The following WDR7 variants were observed in gnomAD, a reference collection of about 807,000 sequenced individuals.
WDR7 encodes WD repeat domain 7, also known as WD repeat-containing protein 7.
In WDR7, 46 loss-of-function variants were observed where a neutral mutation model predicts 169.4. That is an observed-to-expected ratio of 0.27 (90% CI 0.21 to 0.35). WDR7 has a LOEUF of 0.35. Among genes scored for constraint, WDR7 ranks in the 10% least tolerant of loss-of-function variants. WDR7 has a pLI of 1.00. For synonymous variants in WDR7, 612 were observed against 666.8 expected, an observed-to-expected ratio of 0.92 and a Z score of 1.27; for missense variants, 1,534 against 1,859.3, an observed-to-expected ratio of 0.83 and a Z score of 3.22.
intron 13 of WDR7, among the ~76,000 whole-genome samples, chr18:56,725,829 G>A (rs1405664108): frequency 6.6e-6 from 1 of 152,072 alleles, no homozygotes; most frequent in Non-Finnish European, 1.5e-5. Context: ...ATTAATTTTT[G>A]TATAAGGTAT....
chr18:56,738,784 G>C (rs2144841309), intron 14 of WDR7, among the ~76,000 whole-genome samples: 1 of 127,502 alleles, frequency 7.8e-6, no homozygotes, highest in East Asian at 2.6e-4. Context: ...AGATCATTTA[G>C]ATAGCATAAA....
At chr18:56,907,676 C>A (rs2046498046) in intron 21 of WDR7, among the ~76,000 whole-genome samples, 1 of 152,126 alleles carries the variant, frequency 6.6e-6, no homozygotes, top group African/African-American at 2.4e-5. Context: ...CTCGGCAGTT[C>A]TGAAGGCTAG....
intron 13 of WDR7, among the ~76,000 whole-genome samples, chr18:56,729,539 T>TA (rs1220869046): frequency 2.6e-5 from 4 of 152,234 alleles, no homozygotes; most frequent in African/African-American, 9.6e-5. Context: ...GCTTTTATTC[T>TA]ATGTTAATAT....
At chr18:56,690,770 G>T (rs1417508470) in intron 7 of WDR7, among the ~76,000 whole-genome samples, 1 of 151,830 alleles carries the variant, frequency 6.6e-6, no homozygotes, top group Non-Finnish European at 1.5e-5. Context: ...AGCTCTGATT[G>T]TGCCACTGCA....
At chr18:57,033,020 G>A (rs992793320), downstream of WDR7, 3 of 151,830 alleles carry the variant, frequency 2.0e-5, no homozygotes, top group African/African-American at 4.8e-5. Context: ...TAGTGAAAAT[G>A]TGTGAATAAA....
chr18:56,700,143 T>G (rs1452532282), intron 12 of WDR7, among the ~76,000 whole-genome samples: 1 of 152,062 alleles, frequency 6.6e-6, no homozygotes, highest in Non-Finnish European at 1.5e-5. Flanking sequence ...AAATATTGCC[T>G]AAATATAGTA....
At chr18:56,968,466 G>A (rs75518709) in intron 26 of WDR7, among the ~76,000 whole-genome samples, 5,684 of 152,178 alleles carry the variant, frequency 0.037, 130 homozygotes, top group Non-Finnish European at 0.053. Flanking sequence ...GAGAGAATAG[G>A]ATATCTTTTC....
At chr18:56,959,082 A>G (rs563867460) in intron 25 of WDR7, among the ~76,000 whole-genome samples, 1 of 152,274 alleles carries the variant, frequency 6.6e-6, no homozygotes, top group Admixed American at 6.5e-5. Context: ...GGTGGCCCAT[A>G]AAAGCCTCCT....
At chr18:56,733,930 T>C (rs2026640586) in intron 14 of WDR7, among the ~76,000 whole-genome samples, 1 of 152,170 alleles carries the variant, frequency 6.6e-6, no homozygotes, top group Non-Finnish European at 1.5e-5. Flanking sequence ...GCAGCTGCTG[T>C]GCAATAACTA....
chr18:56,677,095 C>G (rs1184883168), intron 2 of WDR7, among the ~76,000 whole-genome samples: 1 of 152,076 alleles, frequency 6.6e-6, no homozygotes, highest in African/African-American at 2.4e-5. Flanking sequence ...GAGTTTGTAC[C>G]TTCAGATGCT....
At chr18:56,957,933 T>C (rs984772027) in intron 25 of WDR7, among the ~76,000 whole-genome samples, 1 of 152,204 alleles carries the variant, frequency 6.6e-6, no homozygotes, top group Non-Finnish European at 1.5e-5. Context: ...TACAGGTTTC[T>C]ATCTTTCTCC....
At chr18:56,969,897 G>C (rs183861605) in intron 26 of WDR7, among the ~76,000 whole-genome samples, 5 of 152,294 alleles carry the variant, frequency 3.3e-5, no homozygotes, top group African/African-American at 1.2e-4. Flanking sequence ...AGAGAAGGCA[G>C]TGTGGTTGCG....
chr18:56,819,529 TA>T (rs1568213416), intron 20 of WDR7, among the ~76,000 whole-genome samples: 1 of 152,190 alleles, frequency 6.6e-6, no homozygotes, highest in Non-Finnish European at 1.5e-5. Flanking sequence ...CCATAGGTTT[TA>T]AATTATATAT....
At chr18:56,666,432 C>T (rs2025026310) in intron 1 of WDR7, among the ~76,000 whole-genome samples, 1 of 151,922 alleles carries the variant, frequency 6.6e-6, no homozygotes, top group Non-Finnish European at 1.5e-5. Context: ...AAACTCCCAA[C>T]CTCAGGTGAT....
intron 7 of WDR7, 130 bp from the exon 8 acceptor site, chr18:56,691,086 T>C: frequency 1.5e-6 from 2 of 1,315,846 alleles, no homozygotes; most frequent in Non-Finnish European, 2.1e-6. Flanking sequence ...TGACAAACTT[T>C]CTTTATCTGA....
chr18:56,904,947 C>T (rs1011788825), intron 21 of WDR7, among the ~76,000 whole-genome samples: 38 of 152,070 alleles, frequency 2.5e-4, no homozygotes, highest in Admixed American at 7.2e-4. Context: ...AAAATTGACC[C>T]GAAGCCGTTA....
chr18:56,732,523 G>T (rs988703542), intron 14 of WDR7, among the ~76,000 whole-genome samples: 2 of 152,132 alleles, frequency 1.3e-5, no homozygotes, highest in Non-Finnish European at 2.9e-5. Flanking sequence ...CCATGAGTTC[G>T]TGCGTGCTGA....
At chr18:56,885,801 T>G (rs1452059371) in intron 21 of WDR7, among the ~76,000 whole-genome samples, 1 of 144,242 alleles carries the variant, frequency 6.9e-6, no homozygotes, top group African/African-American at 2.6e-5. Context: ...CACTCCAGCC[T>G]AGGCGACAGA....
At chr18:56,779,932 T>G (rs2145065207) in intron 18 of WDR7, among the ~76,000 whole-genome samples, 1 of 152,344 alleles carries the variant, frequency 6.6e-6, no homozygotes, top group East Asian at 1.9e-4. Context: ...TTGCCATATT[T>G]CAGTGAAAGG....
Sources: allele counts gnomAD v4.1 joint callset (sites outside exome capture counted in the v4.1 genomes callset), GRCh38; gene constraint gnomAD v4.1.1; transcripts MANE v1.5; gene names NCBI Gene and HGNC (gene_info 2026-07-23, HGNC 2026-07-21).